LRRC9: variants seen among roughly 807,000 people sequenced by gnomAD.
LRRC9 encodes leucine-rich repeat-containing protein 9.
A neutral mutation model predicts 63.2 loss-of-function variants in LRRC9; 122 were observed. The observed-to-expected ratio is 1.93, with a 90% confidence interval of 1.67 to 2.24. The LOEUF (loss-of-function observed/expected upper bound fraction) is 2.24. Ranked by LOEUF, LRRC9 falls within the 30% of genes most tolerant of loss-of-function variation. The pLI, the probability that LRRC9 is intolerant of heterozygous loss-of-function variation, is 0.00. For synonymous variants in LRRC9, 366 were observed against 213.1 expected, an observed-to-expected ratio of 1.72 and a Z score of -6.25; for missense variants, 1,071 against 627.7, an observed-to-expected ratio of 1.71 and a Z score of -7.55.
chr14:60,026,273 C>A (rs1402941654), intron 27 of LRRC9, among the ~76,000 whole-genome samples: 2 of 152,018 alleles, frequency 1.3e-5, no homozygotes, highest in Admixed American at 1.3e-4. Flanking sequence ...TCCTTGTCAG[C>A]ATTTATGATT....
chr14:59,989,927 CTTTT>C (rs71451089), intron 17 of LRRC9, among the ~76,000 whole-genome samples: 1 of 132,320 alleles, frequency 7.6e-6, no homozygotes, highest in Non-Finnish European at 1.6e-5. Flanking sequence ...CTAGACCTTC[CTTTT>C]TTTTTTTTTT....
intron 29 of LRRC9, among the ~76,000 whole-genome samples, chr14:60,041,202 C>A (rs1457248071): frequency 1.3e-5 from 2 of 152,098 alleles, no homozygotes; most frequent in Non-Finnish European, 2.9e-5. Context: ...TTTTTTCCTT[C>A]ATTTCAACTT....
intron 14 of LRRC9, 102 bp from the exon 15 acceptor site, chr14:59,977,915 C>T (rs1352689418): frequency 3.8e-6 from 2 of 527,312 alleles, no homozygotes; most frequent in East Asian, 6.1e-5. Context: ...ATAACTGTTG[C>T]AACTTATTGA....
intron 17 of LRRC9, among the ~76,000 whole-genome samples, chr14:59,996,199 G>T (rs911137927): frequency 4.7e-5 from 7 of 148,554 alleles, no homozygotes; most frequent in African/African-American, 1.7e-4. Flanking sequence ...ACTTAAAGGT[G>T]TTTTTTTTTT....
chr14:60,049,304 T>C (rs1358446206), intron 29 of LRRC9, among the ~76,000 whole-genome samples: 2 of 152,218 alleles, frequency 1.3e-5, no homozygotes, highest in East Asian at 1.9e-4. Flanking sequence ...ATCATGATGC[T>C]GGCTGGTTAT....
intron 29 of LRRC9, among the ~76,000 whole-genome samples, chr14:60,045,431 C>T (rs1415017354): frequency 6.6e-6 from 1 of 152,096 alleles, no homozygotes; most frequent in Non-Finnish European, 1.5e-5. Flanking sequence ...CTCTCCGACT[C>T]CCACCCCTGA....
intron 12 of LRRC9, chr14:59,969,258 ATTG>A (rs1458432559): frequency 6.6e-6 from 1 of 151,952 alleles, no homozygotes; most frequent in Non-Finnish European, 1.5e-5. Flanking sequence ...ATATTACACT[ATTG>A]TTATCCTCCT....
intron 23 of LRRC9, among the ~76,000 whole-genome samples, chr14:60,013,568 A>C (rs1382266175): frequency 6.6e-6 from 1 of 152,064 alleles, no homozygotes; most frequent in Non-Finnish European, 1.5e-5. Context: ...TGGGGACTCT[A>C]GCTTCAAATA....
intron 1 of LRRC9, among the ~76,000 whole-genome samples, chr14:59,921,275 G>A (rs1355025536): frequency 6.6e-6 from 1 of 152,140 alleles, no homozygotes; most frequent in Non-Finnish European, 1.5e-5. Flanking sequence ...GTAGGCAGGA[G>A]TCAGAGCATG....
intron 14 of LRRC9, among the ~76,000 whole-genome samples, chr14:59,977,563 T>A (rs1221509347): frequency 7.2e-6 from 1 of 139,088 alleles, no homozygotes; most frequent in Non-Finnish European, 1.6e-5. Flanking sequence ...AATGTAATTA[T>A]GTATTTGTGT....
intron 6 of LRRC9, among the ~76,000 whole-genome samples, chr14:59,935,174 T>A (rs1890041014): frequency 6.8e-6 from 1 of 148,010 alleles, no homozygotes; most frequent in Admixed American, 6.7e-5. Context: ...GCGCCTGTAA[T>A]CCCAGCCTAT....
intron 1 of LRRC9, among the ~76,000 whole-genome samples, chr14:59,920,827 C>A (rs1366850554): frequency 6.6e-6 from 1 of 152,184 alleles, no homozygotes; most frequent in Non-Finnish European, 1.5e-5. Context: ...TTAAATTATA[C>A]CATATGCCTG....
chr14:59,985,155 G>C (rs1048562272), exon 17 of LRRC9: 1 of 693,204 alleles, frequency 1.4e-6, no homozygotes, highest in African/African-American at 1.8e-5. Flanking sequence ...ATCTCTCCAA[G>C]TTAACAGGAC....
In LRRC9 at chr14:59,922,360, G is replaced by A. The variant is rs1008606043; in HGVS notation, c.-34+2477G>A. ...GGCAGTGAATCCAGGACTGAAAGCA[G>A]GTAGTGATGTGTTGCTAATGATTAT... On this transcript the variant is annotated intron_variant, in intron 1 of 31. Transcript: ENST00000445360. The surrounding 1 kb of genome is among the most constrained non-coding windows in gnomAD (Gnocchi z 5.3). 1.3e-5 allele frequency among the ~76,000 whole-genome samples: 2 copies of A among 152,170 alleles called. No homozygotes were observed. The highest frequency in any genetic ancestry group is 2.9e-5 in the Non-Finnish European group (2 of 68,018).
At chr14:59,954,972 C>A (rs879380263) in intron 8 of LRRC9, among the ~76,000 whole-genome samples, 2 of 152,158 alleles carry the variant, frequency 1.3e-5, no homozygotes, top group Non-Finnish European at 2.9e-5. Flanking sequence ...GTTGAACCGG[C>A]CTTGCATCCC....
At position 60,018,486 on chromosome 14, in the gene LRRC9, C is replaced by A; in HGVS notation, c.3426+7C>A. 5.8e-6 allele frequency: 4 copies of A among 684,768 alleles called. No individual in the cohort carries two copies. The South Asian group carries it at 6.2e-5, about 11-fold the overall frequency. 42.4% of individuals were successfully genotyped at this position (684,768 alleles called of 1,614,324 possible). A position where few individuals can be genotyped will look rare whatever the true frequency, so the allele number is the denominator to read the frequency against. On this transcript the variant is annotated splice_region_variant and intron_variant, in intron 25 of 31. Transcript: ENST00000445360. ...CTATCTACCTAATGTGAAGGTAAGT[C>A]ATTCACAAATTTTTCTTTCTTTCAA...
chr14:59,963,237 G>C (rs1884519799), intron 10 of LRRC9, among the ~76,000 whole-genome samples: 1 of 152,084 alleles, frequency 6.6e-6, no homozygotes, highest in Non-Finnish European at 1.5e-5. Context: ...CTAATTGTAT[G>C]TCATTATCTC....
downstream of LRRC9, among the ~76,000 whole-genome samples, chr14:60,066,709 T>G (rs969316094): frequency 6.6e-6 from 1 of 152,238 alleles, no homozygotes; most frequent in Non-Finnish European, 1.5e-5. Flanking sequence ...CACAGCTATT[T>G]TATTAGTAAT....
intron 19 of LRRC9, among the ~76,000 whole-genome samples, chr14:60,001,554 G>C (rs1165192551): frequency 6.6e-6 from 1 of 152,056 alleles, no homozygotes; most frequent in Admixed American, 6.6e-5. Flanking sequence ...ACAGACATAG[G>C]ACTATAAAGA....
Sources: allele counts gnomAD v4.1 joint callset (sites outside exome capture counted in the v4.1 genomes callset), GRCh38; gene constraint gnomAD v4.1.1; non-coding constraint Gnocchi (gnomAD v3.1); transcripts MANE v1.5; gene names NCBI Gene and HGNC (gene_info 2026-07-23, HGNC 2026-07-21).